Variants in STK32B observed in about 807,000 individuals in gnomAD.
STK32B encodes the protein serine/threonine kinase 32B, also known as serine/threonine-protein kinase 32B.
In STK32B, 43 loss-of-function variants were observed where a neutral mutation model predicts 52.6. The ratio of observed to expected loss-of-function variants is 0.82; its 90% CI spans 0.64 to 1.05. The LOEUF is 1.05. Ranked by LOEUF, STK32B falls within the 50% of genes least tolerant of loss-of-function variation. The probability of loss-of-function intolerance (pLI) is 0.00; values close to 1 mark genes in which losing one functional copy is unlikely to be tolerated. For missense variants in STK32B, 621 were observed against 534.6 expected, an observed-to-expected ratio of 1.16 and a Z score of -1.59; for synonymous variants, 238 against 204.3, an observed-to-expected ratio of 1.17 and a Z score of -1.41.
At chr4:5,193,005 G>C (rs569103500) in intron 3 of STK32B, among the ~76,000 whole-genome samples, 64 of 152,296 alleles carry the variant, frequency 4.2e-4, no homozygotes, top group African/African-American at 1.3e-3. Context: ...CGGCAATGGG[G>C]GGATGGTCCC....
At chr4:5,479,082 T>C (rs1273614578) in intron 11 of STK32B, among the ~76,000 whole-genome samples, 3 of 151,412 alleles carry the variant, frequency 2.0e-5, no homozygotes, top group African/African-American at 7.3e-5. Flanking sequence ...TTTTCTTTGT[T>C]CTTGTTTTTT....
intron 3 of STK32B, among the ~76,000 whole-genome samples, chr4:5,276,462 A>G (rs1189431228): frequency 1.3e-5 from 2 of 152,102 alleles, no homozygotes; most frequent in African/African-American, 4.8e-5. Context: ...TCTTGGGGCT[A>G]TGACTTCAAG....
chr4:5,023,143 A>G, the STK32B span, among the ~76,000 whole-genome samples: 1 of 152,160 alleles, frequency 6.6e-6, no homozygotes, highest in South Asian at 2.1e-4. Flanking sequence ...GGAGGCCTCT[A>G]GAATGCAAAG....
At chr4:5,298,578 T>C (rs1354583792) in intron 3 of STK32B, among the ~76,000 whole-genome samples, 2 of 152,116 alleles carry the variant, frequency 1.3e-5, no homozygotes, top group Non-Finnish European at 1.5e-5. Context: ...TGGCTTTGTT[T>C]ACACTGTGAG....
intron 5 of STK32B, among the ~76,000 whole-genome samples, chr4:5,406,750 G>T (rs1364994908): frequency 6.6e-6 from 1 of 152,150 alleles, no homozygotes; most frequent in Non-Finnish European, 1.5e-5. Context: ...AGGTTAGGCA[G>T]GGCAGCAGAG....
At chr4:5,093,702 T>C (rs62291659) in intron 1 of STK32B, among the ~76,000 whole-genome samples, 3,778 of 148,090 alleles carry the variant, frequency 0.026, 79 homozygotes, top group Middle Eastern at 0.066. Context: ...CCCTAAAACT[T>C]AAAGTATAAT....
chr4:5,355,192 C>T (rs1177292680), intron 4 of STK32B, among the ~76,000 whole-genome samples: 2 of 152,308 alleles, frequency 1.3e-5, no homozygotes, highest in Admixed American at 6.5e-5. Context: ...ACTGAAATAA[C>T]GTGTGATGCA....
chr4:5,446,224 C>G (rs1041548576), intron 6 of STK32B, among the ~76,000 whole-genome samples: 1 of 152,214 alleles, frequency 6.6e-6, no homozygotes, highest in Non-Finnish European at 1.5e-5. Context: ...ACTGAGGGTA[C>G]AAACCACATG....
chr4:5,087,058 TG>T (rs1712769207), intron 1 of STK32B, among the ~76,000 whole-genome samples: 1 of 152,206 alleles, frequency 6.6e-6, no homozygotes, highest in South Asian at 2.1e-4. Flanking sequence ...AATGTATTTT[TG>T]TTTGCAATTC....
chr4:5,456,671 T>G lies in STK32B; in HGVS notation c.667-136T>G, dbSNP rs963201687. Reference sequence around the variant, plus strand: ...GCACTTGGGTTCGGGCCACCTGCTCTGCCGTGAAAGAGAAGCACCCACTGT... The same window carrying G: ...GCACTTGGGTTCGGGCCACCTGCTCGGCCGTGAAAGAGAAGCACCCACTGT... On this transcript the variant is annotated intron_variant, in intron 7 of 11. Transcript: ENST00000282908. 16 of 802,192 alleles carry G rather than the reference T, an allele frequency of 2.0e-5. No individual in the cohort carries two copies. The East Asian group carries it at 4.4e-4, about 22-fold the overall frequency. The allele number at this position is 802,192 out of a possible 1,614,324, so 49.7% of individuals were successfully genotyped here.
intron 3 of STK32B, among the ~76,000 whole-genome samples, chr4:5,202,927 C>T (rs1393881131): frequency 6.6e-6 from 1 of 152,200 alleles, no homozygotes; most frequent in Non-Finnish European, 1.5e-5. Context: ...ATATTAACCT[C>T]AGCTTAGAAC....
intron 3 of STK32B, among the ~76,000 whole-genome samples, chr4:5,305,551 T>G (rs749261909): frequency 1.3e-5 from 2 of 152,092 alleles, no homozygotes; most frequent in Non-Finnish European, 2.9e-5. Flanking sequence ...TTGTAATACC[T>G]CCCATTTCGT....
chr4:5,288,638 C>T (rs1184732880), intron 3 of STK32B, among the ~76,000 whole-genome samples: 1 of 152,076 alleles, frequency 6.6e-6, no homozygotes, highest in Non-Finnish European at 1.5e-5. Flanking sequence ...TCTGGATAAA[C>T]ATCTCTTATC....
intron 1 of STK32B, among the ~76,000 whole-genome samples, chr4:5,105,692 C>T (rs1441592959): frequency 2.6e-5 from 4 of 151,772 alleles, no homozygotes; most frequent in East Asian, 2.0e-4. Flanking sequence ...GCCTCCCGAG[C>T]AGCTGGGACC....
At chr4:5,279,052 C>T (rs532409412) in intron 3 of STK32B, among the ~76,000 whole-genome samples, 1 of 152,202 alleles carries the variant, frequency 6.6e-6, no homozygotes, top group South Asian at 2.1e-4. Context: ...TCATTCTGCC[C>T]CTGACCCCTC....
At chr4:5,279,191 C>T (rs891760408) in intron 3 of STK32B, among the ~76,000 whole-genome samples, 3 of 152,176 alleles carry the variant, frequency 2.0e-5, no homozygotes, top group African/African-American at 4.8e-5. Context: ...AAGGCAAGTC[C>T]CTTCCACCTA....
intron 3 of STK32B, among the ~76,000 whole-genome samples, chr4:5,317,697 G>A (rs1731198864): frequency 6.7e-6 from 1 of 150,236 alleles, no homozygotes; most frequent in South Asian, 2.1e-4. Flanking sequence ...TCTGCAAAGA[G>A]CTCCTATTCT....
chr4:5,391,098 A>T (rs529433285), intron 4 of STK32B, among the ~76,000 whole-genome samples: 1 of 150,946 alleles, frequency 6.6e-6, no homozygotes, highest in East Asian at 2.0e-4. Flanking sequence ...AGCTGGGACT[A>T]CAGGCACCCG....
chr4:5,223,034 G>C (rs1723637479), intron 3 of STK32B, among the ~76,000 whole-genome samples: 1 of 152,178 alleles, frequency 6.6e-6, no homozygotes, highest in Non-Finnish European at 1.5e-5. Flanking sequence ...TGGGGTCTTA[G>C]AGCTCAGGAC....
Sources: gnomAD v4.1 joint callset for allele counts (sites outside exome capture counted in the v4.1 genomes callset) on GRCh38, gnomAD v4.1.1 for gene constraint, MANE v1.5 for transcripts, NCBI Gene and HGNC (gene_info 2026-07-23, HGNC 2026-07-21) for gene names.